Variants in SEMA3A observed in about 807,000 individuals in gnomAD.
SEMA3A encodes the protein semaphorin 3A.
Under a neutral mutation model 97.9 loss-of-function variants are expected in SEMA3A, and 29 were observed. That is an observed-to-expected ratio of 0.30 (90% confidence interval 0.22 to 0.40). The LOEUF is 0.40. Among genes scored for constraint, SEMA3A ranks in the 10% least tolerant of loss-of-function variants. The pLI, the probability that SEMA3A is intolerant of heterozygous loss-of-function variation, is 1.00. For missense variants in SEMA3A, 763 were observed against 951.3 expected (o/e 0.80, Z 2.60); for synonymous variants, 321 against 323.7 (o/e 0.99, Z 0.09).
intron 6 of SEMA3A, among the ~76,000 whole-genome samples, chr7:84,035,399 T>C (rs1396954984): frequency 6.6e-6 from 1 of 152,016 alleles, no homozygotes; most frequent in Non-Finnish European, 1.5e-5. Context: ...CTCTAGCAAA[T>C]AACATGTTAA....
Position 83,982,144 on chromosome 7 carries a change from A to G in SEMA3A, c.1495-666T>C, listed in dbSNP as rs375396080. 2.6e-4 allele frequency among the ~76,000 whole-genome samples: 39 copies of G among 152,076 alleles called. No homozygotes were observed. The South Asian group carries it at 6.6e-3, about 26-fold the overall frequency. Reference sequence around the variant, plus strand: ...AAAGCTGAAGTGTTGTGGAAAAAGCATAGGGTTGAGCATGAAGATACCTGG... The same window carrying G: ...AAAGCTGAAGTGTTGTGGAAAAAGCGTAGGGTTGAGCATGAAGATACCTGG... On this transcript the variant is annotated intron_variant, in intron 13 of 16. Coordinates refer to ENST00000265362, the MANE Select transcript of SEMA3A (RefSeq NM_006080.3).
intron 3 of SEMA3A, among the ~76,000 whole-genome samples, chr7:84,281,772 T>C (rs918396815): frequency 6.6e-6 from 1 of 152,136 alleles, no homozygotes; most frequent in Admixed American, 6.6e-5. Context: ...TCTCAATGTC[T>C]ACAGCTATAA....
At chr7:83,989,879 T>A (rs1401848928) in intron 12 of SEMA3A, among the ~76,000 whole-genome samples, 2 of 151,200 alleles carry the variant, frequency 1.3e-5, no homozygotes, top group Non-Finnish European at 3.0e-5. Flanking sequence ...TCTAGATCCC[T>A]GAGGAATTAC....
intron 2 of SEMA3A, among the ~76,000 whole-genome samples, chr7:84,330,608 C>G (rs1801887277): frequency 6.6e-6 from 1 of 151,972 alleles, no homozygotes; most frequent in South Asian, 2.1e-4. Context: ...TTTATTTTTC[C>G]TTTACCACCC....
chr7:84,066,687 T>C (rs1793515812), intron 4 of SEMA3A, among the ~76,000 whole-genome samples: 2 of 151,122 alleles, frequency 1.3e-5, no homozygotes, highest in Admixed American at 1.3e-4. Context: ...TCAAAGAGAA[T>C]AAAATACCTA....
rs1378782055 is a variant in SEMA3A, at chr7:84,312,889, T to C, written c.-168-5597A>G. ...GTGTTGTTTTATATATATATATATA[T>C]ATATATATATATATATATATATATA... On this transcript the variant is annotated intron_variant, in intron 2 of 3. Transcript: ENST00000424555. Among the ~76,000 whole-genome samples, 83 of 45,574 alleles carry C rather than the reference T, an allele frequency of 1.8e-3. 1 individual carries two copies. The highest frequency in any genetic ancestry group is 2.9e-3 in the Non-Finnish European group (53 of 18,424). 29.9% of individuals were successfully genotyped at this position (45,574 alleles called of 152,430 possible).
chr7:84,037,556 C>T (rs1454406943), intron 6 of SEMA3A, among the ~76,000 whole-genome samples: 2 of 152,066 alleles, frequency 1.3e-5, no homozygotes, highest in Non-Finnish European at 2.9e-5. Context: ...AATCTGTAAA[C>T]ACGTTGAAAA....
At chr7:83,973,176 C>A (rs944876883) in intron 15 of SEMA3A, among the ~76,000 whole-genome samples, 1 of 152,106 alleles carries the variant, frequency 6.6e-6, no homozygotes, top group Non-Finnish European at 1.5e-5. Context: ...CGTGTGAATT[C>A]GGAAAGTAAA....
At chr7:84,325,319 A>G (rs1270732547) in intron 2 of SEMA3A, among the ~76,000 whole-genome samples, 1 of 152,124 alleles carries the variant, frequency 6.6e-6, no homozygotes, top group Non-Finnish European at 1.5e-5. Flanking sequence ...TCAAATTATG[A>G]TTTTAAAAAA....
At chr7:84,219,134 G>C (rs890831819) in intron 3 of SEMA3A, among the ~76,000 whole-genome samples, 2 of 151,970 alleles carry the variant, frequency 1.3e-5, no homozygotes, top group Admixed American at 1.3e-4. Context: ...AAATAAACCA[G>C]TGACAAAAAA....
At chr7:84,055,357 C>CT (rs1792917259) in intron 5 of SEMA3A, among the ~76,000 whole-genome samples, 1 of 152,194 alleles carries the variant, frequency 6.6e-6, no homozygotes, top group Admixed American at 6.5e-5. Flanking sequence ...ATCAGCGAGA[C>CT]TCCGTGGGCG....
chr7:84,395,207 G>A (rs1232868528), intron 1 of SEMA3A, among the ~76,000 whole-genome samples: 2 of 152,016 alleles, frequency 1.3e-5, no homozygotes, highest in Non-Finnish European at 2.9e-5. Flanking sequence ...TTTTCACATA[G>A]ACTTGATCCT....
intron 2 of SEMA3A, among the ~76,000 whole-genome samples, chr7:84,350,131 A>AGATAACC (rs1802401287): frequency 6.6e-6 from 1 of 152,204 alleles, no homozygotes. Flanking sequence ...TATGTTCCAC[A>AGATAACC]TCAATATATT....
At chr7:84,044,958 A>C (rs1233171589) in intron 6 of SEMA3A, among the ~76,000 whole-genome samples, 1 of 152,072 alleles carries the variant, frequency 6.6e-6, no homozygotes, top group Non-Finnish European at 1.5e-5. Flanking sequence ...ACCACATGGA[A>C]AATTATAGGA....
intron 6 of SEMA3A, among the ~76,000 whole-genome samples, chr7:84,017,440 T>C (rs937587431): frequency 3.3e-5 from 5 of 152,156 alleles, no homozygotes; most frequent in African/African-American, 9.7e-5. Context: ...AATAGAAGTA[T>C]GCACAGAAAA....
At chr7:84,402,113 C>A (rs918346890) in intron 1 of SEMA3A, among the ~76,000 whole-genome samples, 40 of 151,908 alleles carry the variant, frequency 2.6e-4, no homozygotes, top group Non-Finnish European at 3.7e-4. Flanking sequence ...GAGTTAATTG[C>A]TAGAAAATAT....
chr7:84,150,199 C>T (rs1796586843), intron 1 of SEMA3A, among the ~76,000 whole-genome samples: 1 of 152,136 alleles, frequency 6.6e-6, no homozygotes, highest in Non-Finnish European at 1.5e-5. Context: ...AAAATAATTA[C>T]CTATGTACAT....
intron 4 of SEMA3A, among the ~76,000 whole-genome samples, chr7:84,069,432 A>C (rs1051529644): frequency 1.3e-5 from 2 of 152,134 alleles, no homozygotes; most frequent in Admixed American, 6.6e-5. Flanking sequence ...TGTTACAGTA[A>C]ACTTATTCTG....
At chr7:84,244,405 T>C (rs1799433899) in intron 3 of SEMA3A, among the ~76,000 whole-genome samples, 1 of 152,204 alleles carries the variant, frequency 6.6e-6, no homozygotes, top group East Asian at 1.9e-4. Flanking sequence ...GAGACTAAGA[T>C]TGCAACCCCT....
Sources: gnomAD v4.1 joint callset for allele counts (sites outside exome capture counted in the v4.1 genomes callset) on GRCh38, gnomAD v4.1.1 for gene constraint, MANE v1.5 for transcripts, NCBI Gene and HGNC (gene_info 2026-07-23, HGNC 2026-07-21) for gene names.